TACC1: variants seen among roughly 807,000 people sequenced by gnomAD.
TACC1 encodes transforming acidic coiled-coil containing protein 1.
In TACC1, 48 loss-of-function variants were observed where a neutral mutation model predicts 84.4. The ratio of observed to expected loss-of-function variants is 0.57; its 90% CI spans 0.45 to 0.72. The LOEUF is 0.72. Ranked by LOEUF, TACC1 falls within the 30% of genes least tolerant of loss-of-function variation. TACC1 has a pLI of 0.00. For synonymous variants in TACC1, 372 were observed against 376.3 expected (o/e 0.99, Z 0.13); for missense variants, 920 against 973.0 (o/e 0.95, Z 0.72).
In TACC1 at chr8:38,846,717, T is replaced by G; in HGVS notation, c.2247T>G (p.Ala749=). The G allele has an allele frequency of 6.2e-7, 1 of 1,614,144 alleles. No individual in the cohort carries two copies. Among genetic ancestry groups the G allele is most frequent in the African/African-American group, 1.3e-5 (1 of 75,036 alleles). Residue 749 remains alanine, a synonymous_variant, in exon 12 of 13, where the codon GCT becomes GCG. Coordinates refer to ENST00000317827, the MANE Select transcript of TACC1 (RefSeq NM_006283.3). The part of the protein sequence containing the change: ...EKLDKANEEI[A]QVRTKAKAES... ...TAAACAGAGCCAATGAAGAGATTGCTCAGGTTCGAACAAAAGCAAAGGCTG... is the reference window on the plus strand; with the variant it reads ...TAAACAGAGCCAATGAAGAGATTGCGCAGGTTCGAACAAAAGCAAAGGCTG...
chr8:38,800,161 A>G (rs928060407), intron 2 of TACC1, among the ~76,000 whole-genome samples: 2 of 152,242 alleles, frequency 1.3e-5, no homozygotes, highest in African/African-American at 2.4e-5. Flanking sequence ...TCTGTGTGGT[A>G]TAGTTGAACA....
rs537932018 is a variant in TACC1, at chr8:38,735,950, G to A, written c.-674-6401G>A. Among the ~76,000 whole-genome samples, 10 of 152,272 alleles carry A rather than the reference G, an allele frequency of 6.6e-5. No homozygotes were observed. In the East Asian group the frequency reaches 1.2e-3, roughly 18 times the overall value. On this transcript the variant is annotated intron_variant, in intron 1 of 14. Transcript: ENST00000518415. ...ACCACGAACTTGGTAGCTTAAAACA[G>A]AACAAAACCAGAAATGCATTCTCTC...
At chr8:38,767,128 G>A (rs1299920794) in intron 3 of TACC1, among the ~76,000 whole-genome samples, 8 of 152,154 alleles carry the variant, frequency 5.3e-5, no homozygotes, top group Non-Finnish European at 1.2e-4. Context: ...TCCTAACAAC[G>A]GCAAAATGTT....
intron 3 of TACC1, among the ~76,000 whole-genome samples, chr8:38,761,640 A>C (rs956409886): frequency 6.6e-6 from 1 of 152,252 alleles, no homozygotes; most frequent in Non-Finnish European, 1.5e-5. Flanking sequence ...AACTAAACTT[A>C]GGGAGCAACA....
intron 9 of TACC1, chr8:38,840,469 C>T: frequency 2.3e-6 from 1 of 442,938 alleles, no homozygotes; most frequent in Non-Finnish European, 4.1e-6. Flanking sequence ...CTGGCTAGCT[C>T]TCTGGGGTCT....
chr8:38,732,179 A>G (rs1432824477), intron 1 of TACC1, among the ~76,000 whole-genome samples: 18,462 of 129,544 alleles, frequency 0.14, 1,282 homozygotes, highest in African/African-American at 0.21. Context: ...GAAGGAAGGA[A>G]GGAAGAGGGA....
At chr8:38,819,388 T>C in intron 2 of TACC1, 134 bp from the exon 3 acceptor site, 1 of 1,051,090 alleles carries the variant, frequency 9.5e-7, no homozygotes, top group Non-Finnish European at 1.3e-6. Context: ...CTGCCATCCT[T>C]CCTGAACTTT....
At chr8:38,783,144 C>T (rs1816469020), upstream of TACC1, among the ~76,000 whole-genome samples, 1 of 148,140 alleles carries the variant, frequency 6.8e-6, no homozygotes, top group African/African-American at 2.5e-5. Flanking sequence ...GTCCCCCCAG[C>T]TTCTCTGAAA....
At position 38,840,211 on chromosome 8, in the gene TACC1, T is replaced by G; in HGVS notation, c.1917-13T>G. On this transcript the variant is annotated splice_polypyrimidine_tract_variant and intron_variant, in intron 8 of 12. Coordinates refer to ENST00000317827, the MANE Select transcript of TACC1 (RefSeq NM_006283.3). ...ATCCTCCTCTGGTAATAAGTTCTTTTTTTCTCATTTAGGAAAATTGTAGCT... is the reference window on the plus strand; with the variant it reads ...ATCCTCCTCTGGTAATAAGTTCTTTGTTTCTCATTTAGGAAAATTGTAGCT... The G allele has an allele frequency of 6.2e-7, 1 of 1,603,946 alleles. No individual in the cohort carries two copies. The highest frequency in any genetic ancestry group is 8.5e-7 in the Non-Finnish European group (1 of 1,173,312).
At chr8:38,846,511 G>A (rs1230126429) in intron 11 of TACC1, 188 bp from the exon 12 acceptor site, 4 of 575,088 alleles carry the variant, frequency 7.0e-6, no homozygotes, top group African/African-American at 3.9e-5. Flanking sequence ...GAAGTTGTCT[G>A]TAAATTGAAT....
At chr8:38,815,276 C>T (rs1054270374) in intron 2 of TACC1, among the ~76,000 whole-genome samples, 1 of 152,232 alleles carries the variant, frequency 6.6e-6, no homozygotes, top group Admixed American at 6.5e-5. Context: ...CCTAGAACGC[C>T]TGTTCATCTC....
upstream of TACC1, among the ~76,000 whole-genome samples, chr8:38,783,359 G>A (rs148649331): frequency 2.7e-3 from 414 of 151,964 alleles, 2 homozygotes; most frequent in African/African-American, 9.7e-3. Flanking sequence ...GGGGGGCTCA[G>A]CCAAGTCTTT....
intron 1 of TACC1, chr8:38,728,704 C>T (rs549608466): frequency 1.3e-5 from 2 of 152,406 alleles, no homozygotes; most frequent in South Asian, 4.1e-4. Context: ...TTCCTGAGGC[C>T]ACTTCACACT....
At chr8:38,802,176 C>T (rs1821539780) in intron 2 of TACC1, 1 of 152,296 alleles carries the variant, frequency 6.6e-6, no homozygotes, top group Non-Finnish European at 1.5e-5. Flanking sequence ...TCCCAAAGTG[C>T]TAAGATTACA....
chr8:38,799,080 C>G (rs1045806330), intron 2 of TACC1, among the ~76,000 whole-genome samples: 3 of 152,168 alleles, frequency 2.0e-5, no homozygotes, highest in Admixed American at 6.5e-5. Context: ...ACCACTTGAG[C>G]AGAAAGGGTT....
intron 3 of TACC1, among the ~76,000 whole-genome samples, chr8:38,763,985 C>T (rs1394814145): frequency 6.6e-6 from 1 of 152,166 alleles, no homozygotes; most frequent in Non-Finnish European, 1.5e-5. Flanking sequence ...AAAGTTGCTA[C>T]ATATTACTAT....
At position 38,827,477 on chromosome 8, in the gene TACC1, A is replaced by C. The variant is rs763651217; in HGVS notation, c.1660+102A>C. 18 of 1,210,374 alleles carry C rather than the reference A, an allele frequency of 1.5e-5. No individual in the cohort carries two copies. In the South Asian group the frequency reaches 2.5e-4, roughly 17 times the overall value. 75.0% of individuals were successfully genotyped at this position (1,210,374 alleles called of 1,614,324 possible). On this transcript the variant is annotated intron_variant, in intron 5 of 12. Transcript: ENST00000317827. The stretch of plus-strand genomic sequence containing the variant: ...CTTACAGAGATTAAAGAATTGGGTC[A>C]CTTGAAGGATAGATTTAGGATGCTG...
At chr8:38,809,366 A>G (rs1823528284) in intron 2 of TACC1, among the ~76,000 whole-genome samples, 1 of 152,154 alleles carries the variant, frequency 6.6e-6, no homozygotes, top group African/African-American at 2.4e-5. Context: ...TTTGATGTCC[A>G]GGGACAGTTG....
intron 4 of TACC1, among the ~76,000 whole-genome samples, chr8:38,826,407 A>G (rs1268000392): frequency 6.6e-6 from 1 of 152,244 alleles, no homozygotes; most frequent in African/African-American, 2.4e-5. Flanking sequence ...AACATTTTGT[A>G]ATTGATATAA....
Sources: allele counts gnomAD v4.1 joint callset (sites outside exome capture counted in the v4.1 genomes callset), GRCh38; gene constraint gnomAD v4.1.1; transcripts MANE v1.5; gene names NCBI Gene and HGNC (gene_info 2026-07-23, HGNC 2026-07-21).